MBNL1: variants seen among roughly 807,000 people sequenced by gnomAD.
MBNL1 encodes the protein muscleblind-like protein 1.
A neutral mutation model predicts 42.2 loss-of-function variants in MBNL1; 8 were observed. That is an observed-to-expected ratio of 0.19 (90% CI 0.11 to 0.34). The LOEUF is 0.34. Ranked by LOEUF, MBNL1 falls within the 10% of genes least tolerant of loss-of-function variation. MBNL1 has a pLI of 1.00. For missense variants in MBNL1, 309 were observed against 495.3 expected (o/e 0.62, Z 3.57); for synonymous variants, 169 against 173.9 (o/e 0.97, Z 0.22).
chr3:152,322,736 T>A (rs2077167783), intron 2 of MBNL1, among the ~76,000 whole-genome samples: 1 of 152,072 alleles, frequency 6.6e-6, no homozygotes. Flanking sequence ...TTCTGGCATT[T>A]TTTAAGCGCT....
At chr3:152,270,456 A>G (rs1442756339) in intron 1 of MBNL1, among the ~76,000 whole-genome samples, 2 of 152,192 alleles carry the variant, frequency 1.3e-5, no homozygotes, top group African/African-American at 2.4e-5. Context: ...TAAGTATTCT[A>G]TACCAGCACA....
chr3:152,325,005 G>A (rs1001183312), intron 2 of MBNL1, among the ~76,000 whole-genome samples: 22 of 134,800 alleles, frequency 1.6e-4, no homozygotes, highest in African/African-American at 6.1e-4. Flanking sequence ...CTGAGACTCA[G>A]TACCTCCCAC....
intron 3 of MBNL1, 73 bp downstream of exon 3, chr3:152,415,184 T>C (rs2098676524): frequency 7.4e-7 from 1 of 1,349,078 alleles, no homozygotes. Flanking sequence ...AAAGTGATTA[T>C]TGCACCGGAT....
At chr3:152,407,961 C>T (rs2098472957) in intron 2 of MBNL1, among the ~76,000 whole-genome samples, 1 of 151,998 alleles carries the variant, frequency 6.6e-6, no homozygotes, top group African/African-American at 2.4e-5. Flanking sequence ...GAACAACATA[C>T]ACTGGAGTTT....
At chr3:152,343,437 C>G (rs1177565884) in intron 2 of MBNL1, among the ~76,000 whole-genome samples, 1 of 152,072 alleles carries the variant, frequency 6.6e-6, no homozygotes, top group Non-Finnish European at 1.5e-5. Context: ...ATTCTGAACA[C>G]CTTGAGGTTG....
chr3:152,452,229 T>G (rs3773909), intron 6 of MBNL1, among the ~76,000 whole-genome samples: 1 of 152,370 alleles, frequency 6.6e-6, no homozygotes, highest in East Asian at 1.9e-4. Flanking sequence ...CTATTTATGT[T>G]ATATATATGA....
intron 4 of MBNL1, among the ~76,000 whole-genome samples, chr3:152,440,763 T>C (rs138547961): frequency 2.5e-3 from 374 of 152,336 alleles, no homozygotes; most frequent in African/African-American, 8.2e-3. Flanking sequence ...TAAATGAAAA[T>C]AGAGATAATT....
At chr3:152,430,419 A>T (rs2098991011) in intron 3 of MBNL1, among the ~76,000 whole-genome samples, 1 of 152,230 alleles carries the variant, frequency 6.6e-6, no homozygotes, top group Non-Finnish European at 1.5e-5. Context: ...TGCAAAGAGG[A>T]ATGATAATGA....
At chr3:152,331,112 C>G (rs1387899329) in intron 2 of MBNL1, among the ~76,000 whole-genome samples, 2 of 151,194 alleles carry the variant, frequency 1.3e-5, no homozygotes, top group Non-Finnish European at 3.0e-5. Context: ...CCTTCTCCCT[C>G]TCTCCTTCCC....
At chr3:152,424,115 G>A (rs2098851927) in intron 3 of MBNL1, among the ~76,000 whole-genome samples, 1 of 152,166 alleles carries the variant, frequency 6.6e-6, no homozygotes, top group African/African-American at 2.4e-5. Flanking sequence ...TATTCAGGTA[G>A]GAAGAGAGGA....
At chr3:152,293,866 A>C (rs527712108) in intron 1 of MBNL1, among the ~76,000 whole-genome samples, 1 of 152,292 alleles carries the variant, frequency 6.6e-6, no homozygotes, top group South Asian at 2.1e-4. Flanking sequence ...CAGTTCTCCA[A>C]AAGAGAATTT....
chr3:152,300,412 G>A (rs2060223854), intron 2 of MBNL1, 45 bp downstream of exon 2: 4 of 1,490,234 alleles, frequency 2.7e-6, no homozygotes, highest in Middle Eastern at 1.7e-4. Context: ...ATGATTGAAT[G>A]AGGGGTATAT....
intron 2 of MBNL1, among the ~76,000 whole-genome samples, chr3:152,355,281 T>G (rs2095431400): frequency 6.6e-6 from 1 of 152,190 alleles, no homozygotes; most frequent in South Asian, 2.1e-4. Flanking sequence ...TATCTTATAG[T>G]GTTGTTATGA....
At chr3:152,406,482 G>C (rs957508288) in intron 2 of MBNL1, among the ~76,000 whole-genome samples, 1 of 152,176 alleles carries the variant, frequency 6.6e-6, no homozygotes, top group African/African-American at 2.4e-5. Flanking sequence ...TTTGTCACAA[G>C]AATGTGTGTG....
chr3:152,301,852 C>T (rs959561471), intron 2 of MBNL1: 2 of 152,088 alleles, frequency 1.3e-5, no homozygotes, highest in Admixed American at 1.3e-4. Context: ...TTGTCGGTAA[C>T]CAGCTGTGGC....
At chr3:152,403,430 A>G (rs1003009630) in intron 2 of MBNL1, among the ~76,000 whole-genome samples, 2 of 152,216 alleles carry the variant, frequency 1.3e-5, no homozygotes, top group African/African-American at 2.4e-5. Context: ...TACAAGTTCC[A>G]TAGTTTATAG....
intron 1 of MBNL1, among the ~76,000 whole-genome samples, chr3:152,296,273 G>A (rs2058497809): frequency 6.6e-6 from 1 of 152,122 alleles, no homozygotes; most frequent in African/African-American, 2.4e-5. Flanking sequence ...CTAAGAGAAG[G>A]AACTGCTGAA....
chr3:152,248,241 C>T (rs2033622053), intron 2 of MBNL1, among the ~76,000 whole-genome samples: 1 of 152,008 alleles, frequency 6.6e-6, no homozygotes, highest in Non-Finnish European at 1.5e-5. Flanking sequence ...GCAGCAAAAA[C>T]ATTTTCTATG....
intron 2 of MBNL1, among the ~76,000 whole-genome samples, chr3:152,409,666 T>C (rs917859806): frequency 3.9e-5 from 6 of 152,178 alleles, no homozygotes; most frequent in African/African-American, 9.6e-5. Flanking sequence ...AAAACCATAA[T>C]GAAAATTTGA....
Sources: allele counts gnomAD v4.1 joint callset (sites outside exome capture counted in the v4.1 genomes callset), GRCh38; gene constraint gnomAD v4.1.1; transcripts MANE v1.5; gene names NCBI Gene and HGNC (gene_info 2026-07-23, HGNC 2026-07-21).